Variants in PDZRN3 observed in about 807,000 individuals in gnomAD.
PDZRN3 encodes E3 ubiquitin-protein ligase PDZRN3.
In PDZRN3, 38 loss-of-function variants were observed where a neutral mutation model predicts 85.7. The ratio of observed to expected loss-of-function variants is 0.44; its 90% confidence interval spans 0.34 to 0.58. PDZRN3 has a LOEUF of 0.58. Ranked by LOEUF, PDZRN3 falls within the 20% of genes least tolerant of loss-of-function variation. The pLI is 0.01. For synonymous variants in PDZRN3, 759 were observed against 638.0 expected, an observed-to-expected ratio of 1.19 and a Z score of -2.86; for missense variants, 1,629 against 1,506.4, an observed-to-expected ratio of 1.08 and a Z score of -1.35.
In PDZRN3 at chr3:73,403,066, C is replaced by G. The variant is rs1177302471; in HGVS notation, c.1166+1082G>C. ...TCACGCCATTCTCCTGCCTCAGCCT[C>G]CCGAGTAGCTGGGACTACAGGTGAC... On this transcript the variant is annotated intron_variant, in intron 4 of 9. Coordinates refer to ENST00000263666, the MANE Select transcript of PDZRN3 (RefSeq NM_015009.3). Among the ~76,000 whole-genome samples, 3 of 151,958 alleles carry G rather than the reference C, an allele frequency of 2.0e-5. No individual in the cohort carries two copies. In the East Asian group the frequency reaches 5.8e-4, roughly 29 times the overall value.
intron 3 of PDZRN3, among the ~76,000 whole-genome samples, chr3:73,562,992 TATATATATATATATATATATA>T (rs1397227433): frequency 7.8e-5 from 2 of 25,586 alleles, no homozygotes; most frequent in African/African-American, 3.7e-4. Context: ...ATTATATATA[TATATATATATATATATATATA>T]TTTTTTTTTT....
At chr3:73,458,145 G>A (rs766847453) in intron 3 of PDZRN3, among the ~76,000 whole-genome samples, 48 of 152,068 alleles carry the variant, frequency 3.2e-4, no homozygotes, top group Non-Finnish European at 6.3e-4. Context: ...GAGCACAGTG[G>A]ACCCTCCAAA....
intron 3 of PDZRN3, among the ~76,000 whole-genome samples, chr3:73,514,327 T>C (rs754952224): frequency 5.9e-5 from 9 of 152,206 alleles, no homozygotes; most frequent in Non-Finnish European, 8.8e-5. Flanking sequence ...ATGGATGAAT[T>C]ACGCAAATGG....
In PDZRN3 at chr3:73,384,200, G is replaced by C. The variant is rs773222997; in HGVS notation, c.2366C>G (p.Pro789Arg). The C allele has an allele frequency of 1.6e-5, 26 of 1,613,868 alleles. No individual in the cohort carries two copies. The highest frequency in any genetic ancestry group is 4.5e-5 in the East Asian group (2 of 44,838). Reference sequence around the variant, plus strand: ...GGTCCCCACAGCCCCTTCGCTGCTCGGGCAGCTGATGCCCTCCGCCGCTCT... The same window carrying C: ...GGTCCCCACAGCCCCTTCGCTGCTCCGGCAGCTGATGCCCTCCGCCGCTCT... The part of the protein sequence containing the change: ...LRRAAEGISC[P>R]SSEGAVGTTE... Residue 789 changes from proline to arginine, a missense_variant, in exon 10 of 10, where the codon CCG becomes CGG. By Grantham distance (103) the Pro-to-Arg change is moderately radical (BLOSUM62 -2). Transcript: ENST00000263666.
At position 73,388,102 on chromosome 3, in the gene PDZRN3, G is replaced by A. The variant is rs555952737; in HGVS notation, c.1417-33C>T. 74 of 1,022,822 alleles carry A rather than the reference G, an allele frequency of 7.2e-5. No individual in the cohort carries two copies. The East Asian group carries it at 1.5e-3, about 21-fold the overall frequency. 63.4% of individuals were successfully genotyped at this position (1,022,822 alleles called of 1,614,324 possible). On this transcript the variant is annotated intron_variant, in intron 7 of 9. Coordinates refer to ENST00000263666, the MANE Select transcript of PDZRN3 (RefSeq NM_015009.3). ...AAAAAAAGGGGGGGTGGGGAGAGTG[G>A]GGAGACAAATAGCATGATTAGATGG...
intron 3 of PDZRN3, among the ~76,000 whole-genome samples, chr3:73,530,714 G>C (rs1364053642): frequency 6.6e-6 from 1 of 152,066 alleles, no homozygotes; most frequent in Non-Finnish European, 1.5e-5. Flanking sequence ...GAGAAAATCA[G>C]GAAAATCTTT....
At chr3:73,398,507 C>G (rs1404167206) in intron 5 of PDZRN3, among the ~76,000 whole-genome samples, 3 of 152,182 alleles carry the variant, frequency 2.0e-5, no homozygotes, top group African/African-American at 7.2e-5. Flanking sequence ...GTTCCCACAT[C>G]TCCTAGGTGA....
Position 73,609,270 on chromosome 3 carries a change from C to A in PDZRN3, c.724-586G>T, listed in dbSNP as rs569612430. Among the ~76,000 whole-genome samples, 7 of 152,218 alleles carry A rather than the reference C, an allele frequency of 4.6e-5. No individual in the cohort carries two copies. In the South Asian group the frequency reaches 1.5e-3, roughly 32 times the overall value. On this transcript the variant is annotated intron_variant, in intron 1 of 9. Transcript: ENST00000263666. ...GGCATTTTCACAAAGTAATTACTGT[C>A]CAATCCACACGAGACGCAGAGCTGT...
At chr3:73,460,005 G>A (rs1352405813) in intron 3 of PDZRN3, among the ~76,000 whole-genome samples, 1 of 152,198 alleles carries the variant, frequency 6.6e-6, no homozygotes. Context: ...GTTTGTGGAA[G>A]ATGACAGAAT....
intron 5 of PDZRN3, among the ~76,000 whole-genome samples, chr3:73,391,787 C>T (rs947813454): frequency 2.1e-4 from 32 of 152,246 alleles, no homozygotes; most frequent in African/African-American, 6.7e-4. Context: ...ATTGTTGGAG[C>T]CTTAGGGTGC....
chr3:73,397,225 T>C (rs1701657525), intron 5 of PDZRN3, among the ~76,000 whole-genome samples: 1 of 152,094 alleles, frequency 6.6e-6, no homozygotes, highest in African/African-American at 2.4e-5. Context: ...CTCTGTGCAT[T>C]TGCTTTAATA....
chr3:73,385,717 C>T lies in PDZRN3; in HGVS notation c.1587G>A (p.Glu529=), dbSNP rs748913511. ...FLDDLHMDML[E]EQHHQAMQFT... is the part of the protein sequence containing the mutation. ...ATTGCATGGCCTGGTGGTGCTGCTC[C>T]TCCAGCATGTCCATGTGCAGGTCAT... Residue 529 remains glutamate, a synonymous_variant, in exon 9 of 10, where the codon GAG becomes GAA. Coordinates refer to ENST00000263666, the MANE Select transcript of PDZRN3 (RefSeq NM_015009.3). The T allele has an allele frequency of 2.7e-5, 44 of 1,613,772 alleles. No homozygotes were observed. The South Asian group carries it at 4.6e-4, about 17-fold the overall frequency.
chr3:73,621,436 G>A (rs1382465942), intron 1 of PDZRN3, among the ~76,000 whole-genome samples: 1 of 152,172 alleles, frequency 6.6e-6, no homozygotes, highest in African/African-American at 2.4e-5. Flanking sequence ...GCACATGAGA[G>A]TTTCCAGGAC....
chr3:73,446,848 T>C (rs1010403131), intron 3 of PDZRN3, among the ~76,000 whole-genome samples: 1 of 151,978 alleles, frequency 6.6e-6, no homozygotes, highest in East Asian at 1.9e-4. Flanking sequence ...TAGGTTTTCA[T>C]GTCTTACCCT....
intron 3 of PDZRN3, among the ~76,000 whole-genome samples, chr3:73,496,266 A>C (rs1233273718): frequency 6.6e-6 from 1 of 152,150 alleles, no homozygotes; most frequent in African/African-American, 2.4e-5. Context: ...GTTACAATCC[A>C]ATTACCTCAT....
chr3:73,558,070 T>C (rs1369418531), intron 3 of PDZRN3, among the ~76,000 whole-genome samples: 1 of 151,946 alleles, frequency 6.6e-6, no homozygotes, highest in Non-Finnish European at 1.5e-5. Context: ...ATATCTTTAA[T>C]ATATGTTTTT....
intron 3 of PDZRN3, among the ~76,000 whole-genome samples, chr3:73,591,699 T>C (rs770202346): frequency 6.6e-6 from 1 of 152,194 alleles, no homozygotes; most frequent in Non-Finnish European, 1.5e-5. Flanking sequence ...TTTTCTTTAT[T>C]ATGGCAACTT....
chr3:73,413,021 T>G (rs901443826), intron 3 of PDZRN3, among the ~76,000 whole-genome samples: 1 of 152,188 alleles, frequency 6.6e-6, no homozygotes, highest in Non-Finnish European at 1.5e-5. Flanking sequence ...CGATAGAATA[T>G]GAGGAATATT....
chr3:73,385,565 G>A (rs572973404), intron 9 of PDZRN3, 104 bp downstream of exon 9: 1 of 703,856 alleles, frequency 1.4e-6, no homozygotes, highest in Admixed American at 2.2e-5. Flanking sequence ...CTTCCAGGTG[G>A]ATGGACTTCT....
Sources: gnomAD v4.1 joint callset for allele counts (sites outside exome capture counted in the v4.1 genomes callset) on GRCh38, gnomAD v4.1.1 for gene constraint, MANE v1.5 for transcripts, NCBI Gene and HGNC (gene_info 2026-07-23, HGNC 2026-07-21) for gene names.